The following ASTN1 variants were observed in gnomAD, a reference collection of about 807,000 sequenced individuals.
The protein encoded by ASTN1 is astrotactin 1.
ASTN1 carries 41 observed loss-of-function variants against 140.7 expected under a neutral mutation model. That is an observed-to-expected ratio of 0.29 (90% confidence interval 0.23 to 0.38). The LOEUF (loss-of-function observed/expected upper bound fraction) is 0.38. ASTN1 is among the 10% of genes least tolerant of loss of function. The pLI, the probability that ASTN1 is intolerant of heterozygous loss-of-function variation, is 1.00. For synonymous variants in ASTN1, 640 were observed against 652.2 expected, an observed-to-expected ratio of 0.98 and a Z score of 0.29; for missense variants, 1,479 against 1,678.8, an observed-to-expected ratio of 0.88 and a Z score of 2.08.
intron 2 of ASTN1, among the ~76,000 whole-genome samples, chr1:177,058,394 G>C (rs1677913030): frequency 6.6e-6 from 1 of 151,974 alleles, no homozygotes; most frequent in African/African-American, 2.4e-5. Flanking sequence ...AAATAAAAGA[G>C]AATAAATTAA....
At chr1:176,937,923 T>A (rs1404828956) in intron 14 of ASTN1, among the ~76,000 whole-genome samples, 2 of 152,172 alleles carry the variant, frequency 1.3e-5, no homozygotes. Flanking sequence ...TAGCTGCTTG[T>A]CAACCCTGAT....
chr1:176,958,520 G>A (rs1422885288), intron 9 of ASTN1, 38 bp from the exon 10 acceptor site: 4 of 1,574,886 alleles, frequency 2.5e-6, no homozygotes, highest in South Asian at 2.3e-5. Flanking sequence ...CATGACTGGG[G>A]GCATAACCAC....
intron 2 of ASTN1, among the ~76,000 whole-genome samples, chr1:177,037,025 G>A (rs534041422): frequency 1.4e-4 from 21 of 152,146 alleles, no homozygotes; most frequent in African/African-American, 3.6e-4. Flanking sequence ...TGACCATGTC[G>A]GGGAGGCTGG....
chr1:176,891,943 A>T, intron 17 of ASTN1, among the ~76,000 whole-genome samples: 1 of 152,230 alleles, frequency 6.6e-6, no homozygotes, highest in East Asian at 1.9e-4. Flanking sequence ...GGCTCTTGGC[A>T]GCTGGTGATC....
chr1:177,058,741 T>A (rs1296530096), intron 2 of ASTN1, among the ~76,000 whole-genome samples: 1 of 152,158 alleles, frequency 6.6e-6, no homozygotes, highest in African/African-American at 2.4e-5. Context: ...TTTGGTTACA[T>A]GAGTAAGTTC....
intron 1 of ASTN1, among the ~76,000 whole-genome samples, chr1:177,137,317 A>T (rs1294875677): frequency 2.0e-5 from 3 of 152,250 alleles, no homozygotes; most frequent in Non-Finnish European, 4.4e-5. Flanking sequence ...ATTCCAGCCA[A>T]CATCTCTTCT....
chr1:176,883,752 G>A (rs1668908145), intron 19 of ASTN1, among the ~76,000 whole-genome samples: 1 of 152,160 alleles, frequency 6.6e-6, no homozygotes, highest in African/African-American at 2.4e-5. Context: ...AAGTTTTTGG[G>A]ATTATGAATG....
At chr1:176,881,918 ATTCTCGTGATCTCCTCTGC>A (rs1668816784) in intron 20 of ASTN1, among the ~76,000 whole-genome samples, 5 of 152,196 alleles carry the variant, frequency 3.3e-5, no homozygotes, top group Admixed American at 2.0e-4. Flanking sequence ...CCTTGACTCT[ATTCTCGTGATCTCCTCTGC>A]AAACTGTTAA....
chr1:177,043,565 C>G (rs1025374301), intron 2 of ASTN1, among the ~76,000 whole-genome samples: 5 of 152,240 alleles, frequency 3.3e-5, no homozygotes, highest in African/African-American at 1.2e-4. Flanking sequence ...ATTTGACCCA[C>G]TACAGAAAAT....
intron 20 of ASTN1, among the ~76,000 whole-genome samples, chr1:176,882,100 A>G (rs558150085): frequency 8.5e-5 from 13 of 152,302 alleles, no homozygotes; most frequent in African/African-American, 3.1e-4. Flanking sequence ...ACATTTTACA[A>G]TTGTTTCCAG....
intron 9 of ASTN1, among the ~76,000 whole-genome samples, chr1:176,963,278 A>T (rs1016013700): frequency 6.6e-6 from 1 of 152,192 alleles, no homozygotes; most frequent in Non-Finnish European, 1.5e-5. Flanking sequence ...ATCATGAGTG[A>T]GCATAGTAGC....
chr1:176,894,168 G>T (rs1669390153), intron 17 of ASTN1, among the ~76,000 whole-genome samples: 1 of 152,088 alleles, frequency 6.6e-6, no homozygotes, highest in South Asian at 2.1e-4. Context: ...TAAGGGATCA[G>T]CGAGGGAAGC....
At chr1:176,892,233 T>A (rs755438233) in intron 17 of ASTN1, among the ~76,000 whole-genome samples, 2 of 152,188 alleles carry the variant, frequency 1.3e-5, no homozygotes, top group Non-Finnish European at 2.9e-5. Context: ...TTAAATTACT[T>A]TGATGCCAAA....
chr1:177,002,844 C>A (rs1267907821), intron 8 of ASTN1, among the ~76,000 whole-genome samples: 2 of 152,018 alleles, frequency 1.3e-5, no homozygotes, highest in East Asian at 3.9e-4. Context: ...CCAGTTCGAC[C>A]TCTATTCACA....
intron 2 of ASTN1, among the ~76,000 whole-genome samples, chr1:177,052,146 T>C (rs1398046162): frequency 6.6e-6 from 1 of 152,194 alleles, no homozygotes; most frequent in East Asian, 1.9e-4. Flanking sequence ...CCCTATTCTA[T>C]TGTCCTGATA....
intron 1 of ASTN1, among the ~76,000 whole-genome samples, chr1:177,068,159 A>G (rs1414985968): frequency 6.6e-6 from 1 of 152,206 alleles, no homozygotes; most frequent in Non-Finnish European, 1.5e-5. Context: ...TCAGAGAACA[A>G]TTGGGAAAGG....
At chr1:177,123,012 A>G (rs1170716326) in intron 1 of ASTN1, among the ~76,000 whole-genome samples, 2 of 152,142 alleles carry the variant, frequency 1.3e-5, no homozygotes, top group Non-Finnish European at 2.9e-5. Context: ...GCTCCTCTCA[A>G]CACTCCAGGG....
At chr1:177,111,588 T>C (rs1558103262) in intron 1 of ASTN1, among the ~76,000 whole-genome samples, 1 of 152,226 alleles carries the variant, frequency 6.6e-6, no homozygotes, top group Non-Finnish European at 1.5e-5. Context: ...GTGGCTTCCA[T>C]GGAAGCTTAG....
At chr1:177,043,222 G>A (rs927918255) in intron 2 of ASTN1, among the ~76,000 whole-genome samples, 1 of 152,180 alleles carries the variant, frequency 6.6e-6, no homozygotes, top group Non-Finnish European at 1.5e-5. Flanking sequence ...TTTGTTCTCT[G>A]TAAGCCCTGT....
Sources: allele counts gnomAD v4.1 joint callset (sites outside exome capture counted in the v4.1 genomes callset), GRCh38; gene constraint gnomAD v4.1.1; transcripts MANE v1.5; gene names NCBI Gene and HGNC (gene_info 2026-07-23, HGNC 2026-07-21).